IPO11: variants seen among roughly 807,000 people sequenced by gnomAD.
The protein encoded by IPO11 is importin 11.
A neutral mutation model predicts 143.2 loss-of-function variants in IPO11; 66 were observed. The ratio of observed to expected loss-of-function variants is 0.46; its 90% CI spans 0.38 to 0.57. The LOEUF (loss-of-function observed/expected upper bound fraction) is 0.57. IPO11 is among the 20% of genes least tolerant of loss of function. IPO11 has a pLI of 0.00. For synonymous variants in IPO11, 385 were observed against 377.8 expected (o/e 1.02, Z -0.22); for missense variants, 1,026 against 1,141.0 (o/e 0.90, Z 1.45).
At chr5:62,545,647 C>A (rs1216820801) in intron 24 of IPO11, among the ~76,000 whole-genome samples, 2 of 152,148 alleles carry the variant, frequency 1.3e-5, no homozygotes, top group Non-Finnish European at 2.9e-5. Context: ...AGGAAACTAC[C>A]ATCAGAGTGA....
chr5:62,598,391 G>T (rs13165045), intron 28 of IPO11, among the ~76,000 whole-genome samples: 28,071 of 36,232 alleles, frequency 0.77, 10,604 homozygotes, highest in African/African-American at 0.87. Flanking sequence ...TTGCTTGCTT[G>T]CTTTCTTTCT....
At chr5:62,537,409 A>G (rs1320662178) in intron 24 of IPO11, 120 bp downstream of exon 24, 3 of 653,916 alleles carry the variant, frequency 4.6e-6, no homozygotes, top group Non-Finnish European at 7.8e-6. Flanking sequence ...TAGACAGGCT[A>G]TTTTGGCAGT....
chr5:62,569,205 C>T (rs1168306263), intron 27 of IPO11, among the ~76,000 whole-genome samples: 1 of 152,168 alleles, frequency 6.6e-6, no homozygotes, highest in African/African-American at 2.4e-5. Flanking sequence ...CCTTCTCTCT[C>T]TCCCCCAAGC....
Position 62,494,061 on chromosome 5 carries a change from G to T in IPO11, c.1527G>T (p.Lys509Asn). 2 of 1,613,660 alleles carry T rather than the reference G, an allele frequency of 1.2e-6. No individual in the cohort carries two copies. Among genetic ancestry groups the T allele is most frequent in the Non-Finnish European group, 1.7e-6 (2 of 1,179,684 alleles). The change falls in exon 16 of 30, where the codon AAG (lysine) becomes AAT (asparagine). Residue 509 changes from lysine (K) to asparagine (N), a missense_variant. Physicochemically the swap from Lys to Asn is moderately conservative, Grantham distance 94. Transcript: ENST00000325324. ...LIGQWISVKF[K>N]SDLRPMLYEA... ...GTCAGTGGATTTCTGTGAAATTCAA[G>T]TCTGACTTAAGACCCATGCTTTATG...
chr5:62,425,244 TGGG>T (rs1561304320), intron 1 of IPO11, among the ~76,000 whole-genome samples: 1 of 152,134 alleles, frequency 6.6e-6, no homozygotes, highest in African/African-American at 2.4e-5. Context: ...CAACCCTCCT[TGGG>T]GGGAAAGGAA....
intron 19 of IPO11, 40 bp from the exon 20 acceptor site, chr5:62,515,348 C>T (rs1283652282): frequency 7.2e-7 from 1 of 1,392,448 alleles, no homozygotes; most frequent in Non-Finnish European, 9.9e-7. Context: ...CCTTCTTTAC[C>T]AATAAAATTT....
At chr5:62,418,758 C>T (rs1743386337) in intron 1 of IPO11, 4 of 310,924 alleles carry the variant, frequency 1.3e-5, no homozygotes, top group Non-Finnish European at 2.4e-5. Flanking sequence ...ACATTTTATA[C>T]ATATTTCACT....
At chr5:62,485,850 T>TA (rs781614647) in intron 12 of IPO11, among the ~76,000 whole-genome samples, 1,717 of 126,524 alleles carry the variant, frequency 0.014, 19 homozygotes, top group African/African-American at 0.031. Context: ...ACCCGTCTCT[T>TA]AAAAAAAAAA....
intron 16 of IPO11, among the ~76,000 whole-genome samples, chr5:62,498,032 T>C (rs750385547): frequency 2.0e-5 from 3 of 151,930 alleles, no homozygotes; most frequent in Non-Finnish European, 4.4e-5. Flanking sequence ...TTTTTTTTTG[T>C]TGTTGTTGTT....
chr5:62,571,199 C>T (rs1178603252), intron 27 of IPO11, among the ~76,000 whole-genome samples: 1 of 151,760 alleles, frequency 6.6e-6, no homozygotes, highest in Non-Finnish European at 1.5e-5. Context: ...AGATTCTTTT[C>T]CTTGAGTTTC....
At chr5:62,536,550 G>T in intron 22 of IPO11, 152 bp from the exon 23 acceptor site, 1 of 829,262 alleles carries the variant, frequency 1.2e-6, no homozygotes, top group Non-Finnish European at 1.7e-6. Context: ...CCAGTTTTTA[G>T]ATATCTGTAG....
At chr5:62,542,189 A>G (rs138463102) in intron 24 of IPO11, among the ~76,000 whole-genome samples, 73 of 152,156 alleles carry the variant, frequency 4.8e-4, no homozygotes, top group African/African-American at 1.7e-3. Flanking sequence ...AAAAATTGAG[A>G]ATCTGATAGT....
intron 27 of IPO11, chr5:62,580,958 C>G: frequency 5.8e-6 from 9 of 1,551,152 alleles, no homozygotes; most frequent in Non-Finnish European, 7.8e-6. Context: ...AATGATGCTG[C>G]TTCAATGTCA....
chr5:62,478,797 G>A (rs1561327151), intron 9 of IPO11, among the ~76,000 whole-genome samples: 3 of 152,184 alleles, frequency 2.0e-5, no homozygotes, highest in South Asian at 4.1e-4. Flanking sequence ...TAAGTTGGTA[G>A]TTAGATGTAG....
intron 15 of IPO11, among the ~76,000 whole-genome samples, chr5:62,493,217 A>G (rs539025371): frequency 6.6e-6 from 1 of 152,352 alleles, no homozygotes; most frequent in Non-Finnish European, 1.5e-5. Flanking sequence ...AATTTATATG[A>G]AAGTTTTATA....
chr5:62,488,213 T>C (rs1746479305), intron 13 of IPO11, among the ~76,000 whole-genome samples: 1 of 152,216 alleles, frequency 6.6e-6, no homozygotes. Context: ...GGAATGGAAA[T>C]AATTGATTAT....
chr5:62,596,934 G>C (rs1477164442), intron 28 of IPO11, among the ~76,000 whole-genome samples: 1 of 152,044 alleles, frequency 6.6e-6, no homozygotes, highest in Non-Finnish European at 1.5e-5. Context: ...TAATATTTCT[G>C]CTCCTTGGTG....
At chr5:62,607,061 A>C (rs1745746977) in intron 29 of IPO11, among the ~76,000 whole-genome samples, 1 of 152,176 alleles carries the variant, frequency 6.6e-6, no homozygotes, top group South Asian at 2.1e-4. Flanking sequence ...ACAGTGCTGC[A>C]CTGTGAGGAT....
At chr5:62,578,839 A>C (rs746626798) in intron 27 of IPO11, 4 of 377,712 alleles carry the variant, frequency 1.1e-5, no homozygotes, top group Non-Finnish European at 2.1e-5. Flanking sequence ...GCAGTGCCAC[A>C]GAACAAACTG....
Sources: gnomAD v4.1 joint callset for allele counts (sites outside exome capture counted in the v4.1 genomes callset) on GRCh38, gnomAD v4.1.1 for gene constraint, MANE v1.5 for transcripts, NCBI Gene and HGNC (gene_info 2026-07-23, HGNC 2026-07-21) for gene names.